The following SIRT1 variants were observed in gnomAD, a reference collection of about 807,000 sequenced individuals.
SIRT1 encodes NAD-dependent protein deacetylase sirtuin-1.
SIRT1 carries 24 observed loss-of-function variants against 67.9 expected under a neutral mutation model. The ratio of observed to expected loss-of-function variants is 0.35; its 90% confidence interval spans 0.26 to 0.50. The LOEUF is 0.50. SIRT1 is among the 20% of genes least tolerant of loss of function. The pLI is 0.98. For synonymous variants in SIRT1, 378 were observed against 350.7 expected, an observed-to-expected ratio of 1.08 and a Z score of -0.87; for missense variants, 873 against 937.2, an observed-to-expected ratio of 0.93 and a Z score of 0.89.
At chr10:67,898,971 A>AT (rs1464170742) in intron 4 of SIRT1, among the ~76,000 whole-genome samples, 5 of 152,162 alleles carry the variant, frequency 3.3e-5, no homozygotes, top group Non-Finnish European at 7.4e-5. Flanking sequence ...GTAATTCTGT[A>AT]TTTGTACATT....
chr10:67,900,914 T>C (rs1842735395), intron 4 of SIRT1, among the ~76,000 whole-genome samples: 1 of 152,212 alleles, frequency 6.6e-6, no homozygotes, highest in Non-Finnish European at 1.5e-5. Flanking sequence ...TTTATTTTTA[T>C]GGATATATAA....
chr10:67,910,752 A>G (rs1213109382), intron 7 of SIRT1, among the ~76,000 whole-genome samples: 1 of 152,220 alleles, frequency 6.6e-6, no homozygotes, highest in African/African-American at 2.4e-5. Flanking sequence ...TTCACATAAA[A>G]TTTAAATCCT....
chr10:67,905,053 C>G (rs1399873835), intron 4 of SIRT1, among the ~76,000 whole-genome samples: 1 of 152,020 alleles, frequency 6.6e-6, no homozygotes, highest in African/African-American at 2.4e-5. Context: ...GCTCTTTTTC[C>G]CTGACCTTGC....
At chr10:67,885,308 T>A in intron 1 of SIRT1, 157 bp downstream of exon 1, 3 of 1,240,356 alleles carry the variant, frequency 2.4e-6, no homozygotes, top group Non-Finnish European at 3.0e-6. Flanking sequence ...CCTCCGGGGC[T>A]GCGGTTCCTA....
rs1264241452 is a variant in SIRT1 at position 67,891,042 on chromosome 10, A to C, written c.790-360A>C. On this transcript the variant is annotated intron_variant, in intron 3 of 8. Transcript: ENST00000212015. ...GAGACTCTGTCTCAAAAAAAAAAAA[A>C]ACAAAAAAAAAAAGAAAAAATTCTT... is the stretch of plus-strand genomic sequence containing the variant. Among the ~76,000 whole-genome samples, 17 of 150,174 alleles carry C rather than the reference A, an allele frequency of 1.1e-4. No individual in the cohort carries two copies. In the East Asian group the frequency reaches 1.9e-3, roughly 17 times the overall value.
At chr10:67,891,795 G>T (rs904740298) in intron 4 of SIRT1, among the ~76,000 whole-genome samples, 1 of 152,166 alleles carries the variant, frequency 6.6e-6, no homozygotes, top group Admixed American at 6.5e-5. Context: ...AATTTGCACT[G>T]CAGCGATGGT....
chr10:67,910,827 T>C (rs1279759369), intron 7 of SIRT1, among the ~76,000 whole-genome samples: 1 of 152,228 alleles, frequency 6.6e-6, no homozygotes, highest in Non-Finnish European at 1.5e-5. Flanking sequence ...TCCTCTAGTT[T>C]AGAATCAGAG....
chr10:67,914,486 A>G (rs1471571096), intron 8 of SIRT1, among the ~76,000 whole-genome samples: 1 of 152,188 alleles, frequency 6.6e-6, no homozygotes, highest in Non-Finnish European at 1.5e-5. Flanking sequence ...AAACTAGAAA[A>G]AGCATAGAGG....
intron 4 of SIRT1, among the ~76,000 whole-genome samples, chr10:67,894,841 C>T (rs927596044): frequency 6.6e-6 from 1 of 152,100 alleles, no homozygotes; most frequent in Non-Finnish European, 1.5e-5. Context: ...TCCCAAGTAG[C>T]TGGGACTACA....
intron 1 of SIRT1, among the ~76,000 whole-genome samples, chr10:67,886,188 G>C (rs1437835553): frequency 2.0e-5 from 3 of 151,818 alleles, no homozygotes; most frequent in Non-Finnish European, 4.4e-5. Context: ...TGATCCGTCC[G>C]CCTCGGCCGC....
At chr10:67,892,269 G>A (rs942595142) in intron 4 of SIRT1, among the ~76,000 whole-genome samples, 1 of 152,102 alleles carries the variant, frequency 6.6e-6, no homozygotes, top group African/African-American at 2.4e-5. Flanking sequence ...TTGATATTGG[G>A]TTAAATAAAA....
intron 4 of SIRT1, chr10:67,906,380 C>T: frequency 7.7e-7 from 1 of 1,303,632 alleles, no homozygotes; most frequent in South Asian, 1.5e-5. Context: ...CTTGTATTGA[C>T]AGTGCTTTTT....
intron 7 of SIRT1, among the ~76,000 whole-genome samples, chr10:67,910,404 G>C (rs1842881637): frequency 6.6e-6 from 1 of 152,048 alleles, no homozygotes; most frequent in South Asian, 2.1e-4. Context: ...CAGAAGTAAT[G>C]CTAAACTCTA....
intron 8 of SIRT1, 49 bp downstream of exon 8, chr10:67,913,080 A>G: frequency 6.5e-7 from 1 of 1,532,354 alleles, no homozygotes; most frequent in East Asian, 2.3e-5. Flanking sequence ...TCATAACAGT[A>G]TTTCCAAAAA....
At chr10:67,905,449 T>C (rs1170015149) in intron 4 of SIRT1, among the ~76,000 whole-genome samples, 1 of 152,262 alleles carries the variant, frequency 6.6e-6, no homozygotes, top group Admixed American at 6.5e-5. Context: ...CGTTTTTGGA[T>C]TCTTTATACG....
At chr10:67,899,507 A>T (rs181401920) in intron 4 of SIRT1, among the ~76,000 whole-genome samples, 448 of 152,000 alleles carry the variant, frequency 2.9e-3, no homozygotes, top group Non-Finnish European at 4.3e-3. Context: ...GGGGAAAAAA[A>T]ATTTGTGTTG....
chr10:67,893,734 G>A (rs768877907), intron 4 of SIRT1, among the ~76,000 whole-genome samples: 7 of 152,030 alleles, frequency 4.6e-5, no homozygotes, highest in African/African-American at 1.4e-4. Context: ...TGGTAGAGAC[G>A]GGGATTCACT....
At chr10:67,886,463 A>G (rs1842482270) in intron 1 of SIRT1, among the ~76,000 whole-genome samples, 1 of 149,598 alleles carries the variant, frequency 6.7e-6, no homozygotes, top group South Asian at 2.1e-4. Flanking sequence ...GGTGTCGCAC[A>G]CCTTTAGTCC....
At chr10:67,909,577 T>C in intron 7 of SIRT1, 135 bp downstream of exon 7, 3 of 770,462 alleles carry the variant, frequency 3.9e-6, no homozygotes, top group Middle Eastern at 4.0e-4. Context: ...AGAAATTGTT[T>C]GTTTGTTTGT....
Sources: gnomAD v4.1 joint callset for allele counts (sites outside exome capture counted in the v4.1 genomes callset) on GRCh38, gnomAD v4.1.1 for gene constraint, MANE v1.5 for transcripts, NCBI Gene and HGNC (gene_info 2026-07-23, HGNC 2026-07-21) for gene names.